Variants in SLC30A8 observed in about 807,000 individuals in gnomAD.
The protein encoded by SLC30A8 is solute carrier family 30 member 8.
A neutral mutation model predicts 36.9 loss-of-function variants in SLC30A8; 27 were observed. The ratio of observed to expected loss-of-function variants is 0.73; its 90% CI spans 0.54 to 1.01. SLC30A8 has a LOEUF of 1.01. Among genes scored for constraint, SLC30A8 ranks in the 50% least tolerant of loss-of-function variants. SLC30A8 has a pLI of 0.00. For synonymous variants in SLC30A8, 164 were observed against 172.4 expected, an observed-to-expected ratio of 0.95 and a Z score of 0.38; for missense variants, 439 against 452.0, an observed-to-expected ratio of 0.97 and a Z score of 0.26.
At chr8:117,127,633 A>G (rs1476752845) in intron 2 of SLC30A8, among the ~76,000 whole-genome samples, 3 of 152,066 alleles carry the variant, frequency 2.0e-5, no homozygotes, top group Non-Finnish European at 4.4e-5. Flanking sequence ...ATAAGTTTGT[A>G]TCTGTAATTC....
chr8:117,053,692 A>G (rs550149733), intron 2 of SLC30A8, among the ~76,000 whole-genome samples: 41 of 152,298 alleles, frequency 2.7e-4, no homozygotes, highest in Non-Finnish European at 5.0e-4. Flanking sequence ...CATTCTCTCT[A>G]CCACAACCCA....
At chr8:116,958,027 C>CT (rs1212026500) in intron 1 of SLC30A8, among the ~76,000 whole-genome samples, 1 of 152,192 alleles carries the variant, frequency 6.6e-6, no homozygotes, top group Non-Finnish European at 1.5e-5. Context: ...TGCCTATCTC[C>CT]TTTGAGTGCT....
chr8:116,990,492 C>T (rs1815598047), intron 1 of SLC30A8, among the ~76,000 whole-genome samples: 1 of 152,102 alleles, frequency 6.6e-6, no homozygotes, highest in Admixed American at 6.6e-5. Context: ...TAAGAAAGCA[C>T]AAGCAAAAAT....
At chr8:117,075,747 G>A (rs1056126940) in intron 2 of SLC30A8, among the ~76,000 whole-genome samples, 3 of 152,114 alleles carry the variant, frequency 2.0e-5, no homozygotes, top group Non-Finnish European at 4.4e-5. Flanking sequence ...ATGTAATCAA[G>A]TCACTTTCAT....
chr8:117,090,513 A>G (rs1819071200), intron 2 of SLC30A8, among the ~76,000 whole-genome samples: 1 of 152,192 alleles, frequency 6.6e-6, no homozygotes, highest in Non-Finnish European at 1.5e-5. Flanking sequence ...TTTGTTGTCT[A>G]GTGAGATCTT....
intron 2 of SLC30A8, among the ~76,000 whole-genome samples, chr8:117,096,659 A>G (rs1819378676): frequency 6.6e-6 from 1 of 152,202 alleles, no homozygotes; most frequent in Admixed American, 6.5e-5. Context: ...TTTGGTAAAT[A>G]GATAATAAAC....
chr8:117,059,281 G>A (rs537182712), intron 2 of SLC30A8, among the ~76,000 whole-genome samples: 4 of 152,282 alleles, frequency 2.6e-5, no homozygotes, highest in East Asian at 1.9e-4. Context: ...TAGCCAAGTC[G>A]TAGCCTGGGG....
intron 1 of SLC30A8, among the ~76,000 whole-genome samples, chr8:117,015,526 G>A (rs1816486431): frequency 8.2e-6 from 1 of 122,384 alleles, no homozygotes; most frequent in Non-Finnish European, 1.6e-5. Flanking sequence ...TAAATTAGAT[G>A]CTATTATGCA....
chr8:117,133,706 C>T (rs1407907217), upstream of SLC30A8, among the ~76,000 whole-genome samples: 2 of 152,002 alleles, frequency 1.3e-5, no homozygotes, highest in Non-Finnish European at 2.9e-5. Flanking sequence ...CAGTGTGTCA[C>T]ACAGGTGGAT....
chr8:117,044,000 T>C (rs1271112620), intron 2 of SLC30A8, among the ~76,000 whole-genome samples: 3 of 152,212 alleles, frequency 2.0e-5, no homozygotes, highest in African/African-American at 4.8e-5. Context: ...AGATGATCCA[T>C]CAACTAGTAG....
intron 2 of SLC30A8, among the ~76,000 whole-genome samples, chr8:117,098,224 T>C (rs1819548419): frequency 2.6e-5 from 4 of 151,528 alleles, no homozygotes; most frequent in African/African-American, 7.3e-5. Flanking sequence ...GACGGTCATC[T>C]CATTTTTCTA....
At chr8:117,118,333 C>G (rs1017227095) in intron 2 of SLC30A8, among the ~76,000 whole-genome samples, 2 of 151,908 alleles carry the variant, frequency 1.3e-5, no homozygotes, top group Non-Finnish European at 2.9e-5. Flanking sequence ...TGACATACAA[C>G]TCAAAACACC....
At chr8:117,156,785 G>A (rs936168653) in intron 3 of SLC30A8, among the ~76,000 whole-genome samples, 4 of 152,186 alleles carry the variant, frequency 2.6e-5, no homozygotes, top group Non-Finnish European at 5.9e-5. Flanking sequence ...TTTGGAAAAC[G>A]TTATGAAGGT....
chr8:117,125,651 C>T (rs1216441249), intron 2 of SLC30A8, among the ~76,000 whole-genome samples: 6 of 151,756 alleles, frequency 4.0e-5, no homozygotes, highest in Non-Finnish European at 7.4e-5. Flanking sequence ...ATTTCAGCTG[C>T]AGTTACAAGA....
At chr8:116,972,145 T>C (rs893854860) in intron 1 of SLC30A8, among the ~76,000 whole-genome samples, 17 of 152,338 alleles carry the variant, frequency 1.1e-4, no homozygotes, top group African/African-American at 3.8e-4. Context: ...TTTCTTCTTC[T>C]TCCCAAGAAA....
intron 1 of SLC30A8, among the ~76,000 whole-genome samples, chr8:116,968,130 T>C (rs935990797): frequency 2.0e-5 from 3 of 152,150 alleles, no homozygotes; most frequent in Non-Finnish European, 4.4e-5. Context: ...GAACAAAGTA[T>C]TGTACTTGGC....
At chr8:116,994,631 C>T (rs1290674113) in intron 1 of SLC30A8, among the ~76,000 whole-genome samples, 4 of 152,016 alleles carry the variant, frequency 2.6e-5, no homozygotes, top group Non-Finnish European at 4.4e-5. Flanking sequence ...AGGGTGATTT[C>T]GAGAGAGGGA....
At chr8:117,078,922 A>G (rs561541876) in intron 2 of SLC30A8, among the ~76,000 whole-genome samples, 1 of 152,264 alleles carries the variant, frequency 6.6e-6, no homozygotes, top group East Asian at 1.9e-4. Context: ...TCCTGGGCTC[A>G]AGTGACCCAC....
intron 1 of SLC30A8, among the ~76,000 whole-genome samples, chr8:116,967,042 T>C (rs1453897010): frequency 1.3e-5 from 2 of 152,188 alleles, no homozygotes; most frequent in African/African-American, 4.8e-5. Flanking sequence ...TCTTGAAAAG[T>C]AGTAAACAGC....
Sources: gnomAD v4.1 joint callset for allele counts (sites outside exome capture counted in the v4.1 genomes callset) on GRCh38, gnomAD v4.1.1 for gene constraint, MANE v1.5 for transcripts, NCBI Gene and HGNC (gene_info 2026-07-23, HGNC 2026-07-21) for gene names.